Variants in TENT4B observed in about 807,000 individuals in gnomAD.
TENT4B encodes terminal nucleotidyltransferase 4B.
In TENT4B, 10 loss-of-function variants were observed where a neutral mutation model predicts 75.0. That is an observed-to-expected ratio of 0.13 (90% confidence interval 0.08 to 0.23). TENT4B has a LOEUF of 0.23. Among genes scored for constraint, TENT4B ranks in the 10% least tolerant of loss-of-function variants. TENT4B has a pLI of 1.00. For synonymous variants in TENT4B, 350 were observed against 357.7 expected, an observed-to-expected ratio of 0.98 and a Z score of 0.24; for missense variants, 579 against 893.8, an observed-to-expected ratio of 0.65 and a Z score of 4.49.
intron 1 of TENT4B, among the ~76,000 whole-genome samples, chr16:50,174,393 C>T (rs542426931): frequency 4.6e-5 from 7 of 152,112 alleles, no homozygotes; most frequent in South Asian, 2.1e-4. Context: ...CCACCATGCC[C>T]GGCTTATTGT....
Position 50,230,801 on chromosome 16 carries a change from A to C in TENT4B, c.*1473A>C. ...AAACTCAGTTGGGAATATTTAATAT[A>C]ATAGAATGTAAGTGACATTTCTGAA... On this transcript the variant is annotated 3_prime_UTR_variant, in exon 12 of 12. Transcript: ENST00000561678. The C allele has an allele frequency of 1.0e-6, 1 of 985,628 alleles. No homozygotes were observed. The highest frequency in any genetic ancestry group is 1.2e-6 in the Non-Finnish European group (1 of 829,730). The allele number at this position is 985,628 out of a possible 1,614,324, so 61.1% of individuals were successfully genotyped here.
chr16:50,196,464 T>C (rs2150716097), intron 1 of TENT4B, among the ~76,000 whole-genome samples: 1 of 150,846 alleles, frequency 6.6e-6, no homozygotes, highest in South Asian at 2.1e-4. Context: ...AGCCATATAC[T>C]TAGAGTAGCT....
intron 1 of TENT4B, among the ~76,000 whole-genome samples, chr16:50,169,387 GTTTTTTTTTTTTT>G (rs552275205): frequency 3.0e-5 from 2 of 65,780 alleles, no homozygotes; most frequent in Admixed American, 4.8e-4. Context: ...GATTTTGTGG[GTTTTTTTTTTTTT>G]TTTTTTTTTT....
chr16:50,152,979 G>C, upstream of TENT4B: 1 of 1,514,216 alleles, frequency 6.6e-7, no homozygotes, highest in South Asian at 1.2e-5. Flanking sequence ...GCTCAGCACC[G>C]GGGAAGCCGA....
intron 1 of TENT4B, among the ~76,000 whole-genome samples, chr16:50,194,744 ATTTTTTTTTTTT>A (rs34176224): frequency 1.4e-5 from 1 of 69,412 alleles, no homozygotes; most frequent in Non-Finnish European, 2.7e-5. Context: ...TGCTTGGCTA[ATTTTTTTTTTTT>A]TTTTTTTTTT....
intron 1 of TENT4B, among the ~76,000 whole-genome samples, chr16:50,155,272 G>GGTGGGTGTGTGTGTGT (rs1555506870): frequency 1.5e-5 from 2 of 135,372 alleles, no homozygotes; most frequent in Non-Finnish European, 3.1e-5. Context: ...GGGTCTCGTG[G>GGTGGGTGTGTGTGTGT]GTGTGTGTGT....
chr16:50,211,628 A>G (rs1596731585), intron 2 of TENT4B, among the ~76,000 whole-genome samples, 182 bp downstream of exon 2: 1 of 152,064 alleles, frequency 6.6e-6, no homozygotes, highest in East Asian at 1.9e-4. Flanking sequence ...CTTCCTAACT[A>G]TTTTCATTGG....
At chr16:50,166,116 T>C (rs915248825) in intron 1 of TENT4B, among the ~76,000 whole-genome samples, 5 of 151,208 alleles carry the variant, frequency 3.3e-5, no homozygotes, top group Non-Finnish European at 2.9e-5. Flanking sequence ...GAAGTCTTGC[T>C]TTATTGCCCA....
intron 1 of TENT4B, among the ~76,000 whole-genome samples, chr16:50,203,393 C>G (rs57396089): frequency 6.6e-6 from 1 of 152,158 alleles, no homozygotes; most frequent in Non-Finnish European, 1.5e-5. Context: ...TGGCCTTTTT[C>G]AAGTGACCTT....
chr16:50,160,310 T>G (rs181194656), intron 1 of TENT4B, among the ~76,000 whole-genome samples: 33 of 152,306 alleles, frequency 2.2e-4, no homozygotes, highest in African/African-American at 7.5e-4. Context: ...TTTTTCCCCC[T>G]TCGTCTTTGT....
chr16:50,217,789 A>AG (rs2031638420), intron 5 of TENT4B, 126 bp downstream of exon 5: 1 of 113,822 alleles, frequency 8.8e-6, no homozygotes. Flanking sequence ...AAATAGAGCT[A>AG]GGGTCTCACT....
intron 1 of TENT4B, among the ~76,000 whole-genome samples, chr16:50,199,345 G>A (rs778858009): frequency 1.8e-4 from 27 of 152,198 alleles, no homozygotes; most frequent in Non-Finnish European, 2.5e-4. Context: ...GGAATAGTAG[G>A]GATATGAATT....
chr16:50,170,306 A>G (rs1249874058), intron 1 of TENT4B, among the ~76,000 whole-genome samples: 1 of 152,078 alleles, frequency 6.6e-6, no homozygotes, highest in Non-Finnish European at 1.5e-5. Flanking sequence ...GGCGTGAGCC[A>G]CCACACCTGG....
At chr16:50,199,265 G>C (rs2150720077) in intron 1 of TENT4B, among the ~76,000 whole-genome samples, 1 of 152,344 alleles carries the variant, frequency 6.6e-6, no homozygotes, top group South Asian at 2.1e-4. Flanking sequence ...CACTAACTGG[G>C]GGCCACGCAT....
intron 1 of TENT4B, among the ~76,000 whole-genome samples, chr16:50,188,581 T>A (rs142924532): frequency 6.6e-6 from 1 of 152,244 alleles, no homozygotes; most frequent in Non-Finnish European, 1.5e-5. Flanking sequence ...AAAATTCTTA[T>A]AGAGAATGTA....
At chr16:50,193,176 G>A (rs2029961790) in intron 1 of TENT4B, among the ~76,000 whole-genome samples, 1 of 152,106 alleles carries the variant, frequency 6.6e-6, no homozygotes, top group Non-Finnish European at 1.5e-5. Context: ...TGGTAGAGAG[G>A]AATTAGGAGA....
intron 1 of TENT4B, among the ~76,000 whole-genome samples, chr16:50,162,175 CCA>C (rs1347141623): frequency 6.6e-6 from 1 of 152,064 alleles, no homozygotes; most frequent in African/African-American, 2.4e-5. Flanking sequence ...TATGGCTGAA[CCA>C]CACAATTTGT....
rs191860661 is a variant in TENT4B, at chr16:50,218,497, G to A, written c.1038+834G>A. Reference sequence around the variant, plus strand: ...GACTCGTGCCTGGGACGAGTACCAGGCACCTGCCACCATGCCTGGCTAATT... The same window carrying A: ...GACTCGTGCCTGGGACGAGTACCAGACACCTGCCACCATGCCTGGCTAATT... On this transcript the variant is annotated intron_variant, in intron 5 of 11. Transcript: ENST00000561678. Among the ~76,000 whole-genome samples, 301 of 152,054 alleles carry A rather than the reference G, an allele frequency of 2.0e-3. 1 individual carries two copies. The highest frequency in any genetic ancestry group is 7.0e-3 in the African/African-American group (291 of 41,486).
At chr16:50,178,839 G>C (rs1396719662) in intron 1 of TENT4B, among the ~76,000 whole-genome samples, 1 of 152,088 alleles carries the variant, frequency 6.6e-6, no homozygotes, top group Non-Finnish European at 1.5e-5. Context: ...TGTTTAATGG[G>C]TACAGAGTTT....
Sources: allele counts gnomAD v4.1 joint callset (sites outside exome capture counted in the v4.1 genomes callset), GRCh38; gene constraint gnomAD v4.1.1; transcripts MANE v1.5; gene names NCBI Gene and HGNC (gene_info 2026-07-23, HGNC 2026-07-21).